The following BAZ2B variants were observed in gnomAD, a reference collection of about 807,000 sequenced individuals.
BAZ2B encodes bromodomain adjacent to zinc finger domain 2B.
BAZ2B carries 91 observed loss-of-function variants against 246.0 expected under a neutral mutation model. The observed-to-expected ratio is 0.37, with a 90% CI of 0.31 to 0.44. The LOEUF (loss-of-function observed/expected upper bound fraction) is 0.44, where lower values mean the gene tolerates loss of function less well. BAZ2B is among the 20% of genes least tolerant of loss of function. BAZ2B has a pLI of 1.00. For missense variants in BAZ2B, 2,332 were observed against 2,533.7 expected, an observed-to-expected ratio of 0.92 and a Z score of 1.71; for synonymous variants, 855 against 860.0, an observed-to-expected ratio of 0.99 and a Z score of 0.10.
chr2:159,431,293 T>C, intron 9 of BAZ2B, 137 bp from the exon 10 acceptor site: 1 of 1,276,280 alleles, frequency 7.8e-7, no homozygotes, highest in East Asian at 2.5e-5. Flanking sequence ...ACAGAGTAAA[T>C]GTTATAAGCT....
At chr2:159,325,199 C>T (rs2063533438) in intron 35 of BAZ2B, among the ~76,000 whole-genome samples, 2 of 137,386 alleles carry the variant, frequency 1.5e-5, no homozygotes, top group African/African-American at 2.8e-5. Flanking sequence ...GGCACCATCT[C>T]GGCTCACTAC....
Position 159,433,373 on chromosome 2 carries a change from C to T in BAZ2B, c.1294-10G>A, listed in dbSNP as rs1272153620. The T allele has an allele frequency of 9.4e-6, 15 of 1,587,454 alleles. No individual in the cohort carries two copies. The highest frequency in any genetic ancestry group is 1.2e-5 in the Non-Finnish European group (14 of 1,168,880). ...CCTGTTTATATTGTTCCTGTTGAAA[C>T]ATAAGTTAAAAAACACAACAAAATG... On this transcript the variant is annotated splice_polypyrimidine_tract_variant and intron_variant, in intron 8 of 36. Coordinates refer to ENST00000392783, the MANE Select transcript of BAZ2B (RefSeq NM_013450.4).
chr2:159,632,581 C>T, the BAZ2B span, among the ~76,000 whole-genome samples: 1 of 152,296 alleles, frequency 6.6e-6, no homozygotes, highest in South Asian at 2.1e-4. Flanking sequence ...TGCATCTCGT[C>T]CCAACTCTGT....
At chr2:159,391,989 C>T (rs2063386124) in intron 20 of BAZ2B, 1 of 152,056 alleles carries the variant, frequency 6.6e-6, no homozygotes, top group South Asian at 2.1e-4. Context: ...TTCCAAGGTC[C>T]CCTCAACCAC....
intron 2 of BAZ2B, among the ~76,000 whole-genome samples, chr2:159,519,375 G>A (rs374691801): frequency 3.4e-5 from 5 of 147,484 alleles, no homozygotes; most frequent in Non-Finnish European, 6.0e-5. Flanking sequence ...GACTACAGGC[G>A]CCCGCCACCG....
At position 159,549,589 on chromosome 2, in the gene BAZ2B, T is replaced by C. The variant is rs567323303; in HGVS notation, c.-3+6234A>G. Reference sequence around the variant, plus strand: ...ACATAAAATACAGTAACACGAACGATAGCTGATGAGCTAAAAAACAAAAAT... The same window carrying C: ...ACATAAAATACAGTAACACGAACGACAGCTGATGAGCTAAAAAACAAAAAT... On this transcript the variant is annotated intron_variant, in intron 2 of 36. Transcript: ENST00000392783. Among the ~76,000 whole-genome samples, 104 of 152,224 alleles carry C rather than the reference T, an allele frequency of 6.8e-4. 1 individual carries two copies. Among genetic ancestry groups the C allele is most frequent in the African/African-American group, 2.5e-3 (102 of 41,540 alleles).
At chr2:159,531,787 C>T (rs996914911) in intron 2 of BAZ2B, among the ~76,000 whole-genome samples, 1 of 152,136 alleles carries the variant, frequency 6.6e-6, no homozygotes, top group East Asian at 1.9e-4. Flanking sequence ...GCAGATGATA[C>T]ATATATCCCC....
At chr2:159,467,681 C>A (rs536779237) in intron 3 of BAZ2B, among the ~76,000 whole-genome samples, 1 of 134,050 alleles carries the variant, frequency 7.5e-6, no homozygotes, top group African/African-American at 2.6e-5. Flanking sequence ...GGGTCGGAGA[C>A]AACTGCTGGT....
the BAZ2B span, among the ~76,000 whole-genome samples, chr2:159,687,350 C>A: frequency 6.6e-6 from 1 of 152,134 alleles, no homozygotes; most frequent in Non-Finnish European, 1.5e-5. Flanking sequence ...GGGCAACCAA[C>A]CATGTGATCA....
chr2:159,563,923 C>A (rs920643389), intron 1 of BAZ2B, among the ~76,000 whole-genome samples: 1 of 152,154 alleles, frequency 6.6e-6, no homozygotes, highest in Non-Finnish European at 1.5e-5. Context: ...TCGAATAATT[C>A]TTTTGTTCAT....
intron 27 of BAZ2B, among the ~76,000 whole-genome samples, chr2:159,357,957 T>C (rs868561614): frequency 2.0e-4 from 30 of 152,262 alleles, no homozygotes; most frequent in African/African-American, 6.0e-4. Context: ...CAAGAGCTCC[T>C]GAAGGAAGCA....
chr2:159,488,049 T>A (rs1296890825), intron 2 of BAZ2B, among the ~76,000 whole-genome samples: 1 of 152,006 alleles, frequency 6.6e-6, no homozygotes, highest in Non-Finnish European at 1.5e-5. Context: ...ATTTTTTTTT[T>A]AACACAAAGA....
intron 20 of BAZ2B, among the ~76,000 whole-genome samples, chr2:159,390,816 T>C (rs2063242641): frequency 6.6e-6 from 1 of 152,152 alleles, no homozygotes; most frequent in South Asian, 2.1e-4. Context: ...ATTTTTATAC[T>C]GCCTCTGAAT....
chr2:159,503,283 A>G (rs2082020511), intron 2 of BAZ2B, among the ~76,000 whole-genome samples: 1 of 152,152 alleles, frequency 6.6e-6, no homozygotes, highest in Non-Finnish European at 1.5e-5. Context: ...CTACTCATAC[A>G]TTAGGTGACT....
At chr2:159,663,035 T>C in the BAZ2B span, among the ~76,000 whole-genome samples, 2 of 152,178 alleles carry the variant, frequency 1.3e-5, no homozygotes, top group Non-Finnish European at 2.9e-5. Flanking sequence ...TTGTAAGTGG[T>C]ATTTATATAT....
chr2:159,569,986 T>C (rs145215469), intron 1 of BAZ2B, among the ~76,000 whole-genome samples: 66 of 152,328 alleles, frequency 4.3e-4, no homozygotes, highest in African/African-American at 1.4e-3. Flanking sequence ...CAGTCTCTGA[T>C]ACATAGTACG....
chr2:159,470,012 T>C (rs905161829), intron 3 of BAZ2B, among the ~76,000 whole-genome samples: 9 of 152,154 alleles, frequency 5.9e-5, no homozygotes, highest in Non-Finnish European at 1.0e-4. Context: ...TAAGAAAATT[T>C]TAGCAAATCA....
intron 1 of BAZ2B, among the ~76,000 whole-genome samples, chr2:159,566,903 C>T (rs970953989): frequency 2.6e-5 from 4 of 151,646 alleles, no homozygotes; most frequent in East Asian, 3.9e-4. Flanking sequence ...ACTAAGGAAA[C>T]GGAGAAAGAA....
the BAZ2B span, chr2:159,710,591 C>T: frequency 6.6e-6 from 1 of 152,146 alleles, no homozygotes; most frequent in African/African-American, 2.4e-5. Context: ...AGAGAGAGTA[C>T]ATTAAAAAGA....
Sources: allele counts gnomAD v4.1 joint callset (sites outside exome capture counted in the v4.1 genomes callset), GRCh38; gene constraint gnomAD v4.1.1; transcripts MANE v1.5; gene names NCBI Gene and HGNC (gene_info 2026-07-23, HGNC 2026-07-21).